Variants in CIMIP6 observed in about 807,000 individuals in gnomAD.
The protein encoded by CIMIP6 is uncharacterized protein C2orf73.
At chr2:54,381,750 GGC>G in the CIMIP6 span, 1 of 1,409,282 alleles carries the variant, frequency 7.1e-7, no homozygotes. Context: ...TTCCATCATG[GGC>G]ACATTTCAGA....
chr2:54,335,298 T>A, the CIMIP6 span, among the ~76,000 whole-genome samples: 1 of 152,190 alleles, frequency 6.6e-6, no homozygotes, highest in African/African-American at 2.4e-5. Context: ...AGAAATTTCA[T>A]GTATTTACGA....
chr2:54,363,962 T>A, the CIMIP6 span, among the ~76,000 whole-genome samples: 1 of 152,234 alleles, frequency 6.6e-6, no homozygotes, highest in Non-Finnish European at 1.5e-5. Context: ...CAGTGAGTGG[T>A]TCCTACCACA....
At chr2:54,362,355 G>T in the CIMIP6 span, among the ~76,000 whole-genome samples, 2 of 152,118 alleles carry the variant, frequency 1.3e-5, no homozygotes, top group Non-Finnish European at 2.9e-5. Flanking sequence ...TTTCAAAACT[G>T]GAGATAAAAG....
the CIMIP6 span, among the ~76,000 whole-genome samples, chr2:54,381,482 G>T: frequency 1.3e-5 from 2 of 152,184 alleles, no homozygotes; most frequent in Non-Finnish European, 2.9e-5. Context: ...TACAGGGAAC[G>T]TTACTGTTCC....
chr2:54,346,507 G>A, the CIMIP6 span, among the ~76,000 whole-genome samples: 1 of 152,134 alleles, frequency 6.6e-6, no homozygotes, highest in Admixed American at 6.5e-5. Flanking sequence ...TGATATGGCT[G>A]GAATAGAATG....
At chr2:54,368,150 G>GT in the CIMIP6 span, among the ~76,000 whole-genome samples, 1 of 152,150 alleles carries the variant, frequency 6.6e-6, no homozygotes, top group Non-Finnish European at 1.5e-5. Context: ...TGGTTCTTCT[G>GT]TAAAAACAAT....
chr2:54,354,974 C>G, the CIMIP6 span, among the ~76,000 whole-genome samples: 1 of 152,022 alleles, frequency 6.6e-6, no homozygotes, highest in African/African-American at 2.4e-5. Flanking sequence ...CAGACATCCT[C>G]TTTGATTTAT....
At chr2:54,335,255 T>A in the CIMIP6 span, among the ~76,000 whole-genome samples, 4 of 152,162 alleles carry the variant, frequency 2.6e-5, no homozygotes, top group African/African-American at 9.7e-5. Flanking sequence ...TGGGTCAGAT[T>A]ATTGCCACAA....
chr2:54,369,040 G>A, the CIMIP6 span, among the ~76,000 whole-genome samples: 3 of 152,106 alleles, frequency 2.0e-5, no homozygotes, highest in African/African-American at 4.8e-5. Flanking sequence ...GGGACCTCAC[G>A]CTTGAATTGG....
the CIMIP6 span, chr2:54,334,922 T>G: frequency 4.4e-6 from 7 of 1,590,282 alleles, no homozygotes; most frequent in East Asian, 1.6e-4. Flanking sequence ...AATCACATGT[T>G]GGAAGAGGAC....
the CIMIP6 span, among the ~76,000 whole-genome samples, chr2:54,366,654 T>C: frequency 6.6e-6 from 1 of 152,130 alleles, no homozygotes; most frequent in Non-Finnish European, 1.5e-5. Flanking sequence ...AGCTCTTACC[T>C]ATAAAGGAAA....
the CIMIP6 span, among the ~76,000 whole-genome samples, chr2:54,374,374 G>A: frequency 6.6e-6 from 1 of 152,186 alleles, no homozygotes; most frequent in Non-Finnish European, 1.5e-5. Context: ...AAATTTGAGT[G>A]ATCTGATTGA....
At chr2:54,334,691 A>G in the CIMIP6 span, 1 of 685,364 alleles carries the variant, frequency 1.5e-6, no homozygotes, top group East Asian at 2.8e-5. Context: ...AAACCCTTAT[A>G]ACTATTAATA....
the CIMIP6 span, chr2:54,335,043 G>T: frequency 1.0e-5 from 16 of 1,553,610 alleles, no homozygotes; most frequent in African/African-American, 2.2e-4. Flanking sequence ...GATGTTCATT[G>T]TATACAAATA....
the CIMIP6 span, among the ~76,000 whole-genome samples, chr2:54,377,462 T>C: frequency 6.6e-6 from 1 of 152,178 alleles, no homozygotes; most frequent in African/African-American, 2.4e-5. Flanking sequence ...GTTTATATAG[T>C]TTACATACAT....
At chr2:54,343,598 C>A in the CIMIP6 span, 1 of 595,070 alleles carries the variant, frequency 1.7e-6, no homozygotes, top group Non-Finnish European at 2.6e-6. Context: ...CAGAACTCCA[C>A]ATTAGTACTG....
chr2:54,381,794 C>T, the CIMIP6 span: 81 of 1,501,068 alleles, frequency 5.4e-5, no homozygotes, highest in African/African-American at 9.7e-4. Flanking sequence ...GATTGTAAAC[C>T]ATCAGACTTT....
the CIMIP6 span, among the ~76,000 whole-genome samples, chr2:54,334,452 A>G: frequency 6.6e-6 from 1 of 152,198 alleles, no homozygotes; most frequent in Non-Finnish European, 1.5e-5. Flanking sequence ...TTGGTAATAA[A>G]ACTTTTAAAG....
chr2:54,380,670 G>A, the CIMIP6 span, among the ~76,000 whole-genome samples: 2 of 152,198 alleles, frequency 1.3e-5, no homozygotes, highest in African/African-American at 4.8e-5. Flanking sequence ...AGGGCCACAT[G>A]AGCCAGGGCT....
Sources: gnomAD v4.1 joint callset for allele counts (sites outside exome capture counted in the v4.1 genomes callset) on GRCh38, gnomAD v4.1.1 for gene constraint, MANE v1.5 for transcripts, NCBI Gene and HGNC (gene_info 2026-07-23, HGNC 2026-07-21) for gene names.